VPS13A: variants seen among roughly 807,000 people sequenced by gnomAD.
The protein encoded by VPS13A is intermembrane lipid transfer protein VPS13A.
In VPS13A, 264 loss-of-function variants were observed where a neutral mutation model predicts 390.9. The observed-to-expected ratio is 0.68, with a 90% CI of 0.61 to 0.75. The LOEUF is 0.75. VPS13A is among the 30% of genes least tolerant of loss of function. VPS13A has a pLI of 0.00. For synonymous variants in VPS13A, 1,231 were observed against 1,227.1 expected (o/e 1.00, Z -0.07); for missense variants, 3,409 against 3,733.9 (o/e 0.91, Z 2.27).
rs368113095 is a variant in VPS13A, at chr9:77,316,178, T to C, written c.4635T>C (p.Pro1545=). ...VQTWTAKEEV[P]TQESVKWEIN... ...ATCTATTTTTATTTGTTTTAGTACC[T>C]ACACAGGAATCAGTGAAGTGGGAAA... The change falls in exon 39 of 72, where the codon CCT becomes CCC. Residue 1545 remains proline (P), a synonymous_variant. Transcript: ENST00000360280. 8.9e-5 allele frequency: 142 copies of C among 1,603,060 alleles called. No individual in the cohort carries two copies. Among genetic ancestry groups the C allele is most frequent in the Non-Finnish European group, 1.2e-4 (141 of 1,171,094 alleles).
intron 68 of VPS13A, among the ~76,000 whole-genome samples, chr9:77,384,274 ATTACAGTG>A (rs1366745945): frequency 1.3e-5 from 2 of 151,856 alleles, no homozygotes; most frequent in East Asian, 3.8e-4. Context: ...GTAGCACATT[ATTACAGTG>A]TTTCCTGCTG....
chr9:77,397,663 GT>G (rs1257048585), intron 68 of VPS13A, among the ~76,000 whole-genome samples: 4 of 152,046 alleles, frequency 2.6e-5, no homozygotes, highest in Admixed American at 6.6e-5. Flanking sequence ...CTTTCTTTGT[GT>G]TTCCAAATGT....
intron 71 of VPS13A, among the ~76,000 whole-genome samples, chr9:77,408,551 A>G (rs1834740423): frequency 6.6e-6 from 1 of 152,212 alleles, no homozygotes; most frequent in Non-Finnish European, 1.5e-5. Flanking sequence ...GTCAAAGAAA[A>G]GGGTGACAGA....
At chr9:77,410,397 A>G (rs562964525) in intron 71 of VPS13A, among the ~76,000 whole-genome samples, 4,361 of 152,274 alleles carry the variant, frequency 0.029, 154 homozygotes, top group African/African-American at 0.085. Flanking sequence ...CTAACGAGCA[A>G]AATAACCAGC....
chr9:77,367,682 G>A (rs1343742438), intron 61 of VPS13A, among the ~76,000 whole-genome samples: 1 of 152,192 alleles, frequency 6.6e-6, no homozygotes, highest in Non-Finnish European at 1.5e-5. Context: ...GGCCATTCGT[G>A]AGCAACCTCT....
intron 31 of VPS13A, among the ~76,000 whole-genome samples, chr9:77,284,814 G>C (rs973112039): frequency 6.6e-6 from 1 of 151,536 alleles, no homozygotes; most frequent in Admixed American, 6.6e-5. Flanking sequence ...AGTGATTCTC[G>C]TGCCTCAGCC....
chr9:77,297,615 C>T (rs1457257352), intron 33 of VPS13A, among the ~76,000 whole-genome samples: 2 of 151,030 alleles, frequency 1.3e-5, no homozygotes, highest in Admixed American at 6.7e-5. Context: ...GAGTGTTAAA[C>T]CATTCATGTT....
At chr9:77,382,617 CCAATTACACATGA>C in intron 68 of VPS13A, 1 of 1,032,876 alleles carries the variant, frequency 9.7e-7, no homozygotes, top group South Asian at 4.5e-5. Flanking sequence ...ATCCTTATAT[CCAATTACACATGA>C]AGAAGGAAAA....
intron 68 of VPS13A, among the ~76,000 whole-genome samples, chr9:77,386,545 G>T (rs1833691499): frequency 6.6e-6 from 1 of 151,544 alleles, no homozygotes; most frequent in Admixed American, 6.6e-5. Flanking sequence ...CCATTTTCAT[G>T]AAAAGAAAAT....
At chr9:77,408,511 G>A (rs1305468865) in intron 71 of VPS13A, among the ~76,000 whole-genome samples, 3 of 152,252 alleles carry the variant, frequency 2.0e-5, no homozygotes, top group African/African-American at 4.8e-5. Flanking sequence ...CACCCAGGAA[G>A]TGCAAGGGGT....
rs971227521 is a variant in VPS13A, at chr9:77,323,341, C to T, written c.5991+114C>T. Reference sequence around the variant, plus strand: ...AAGAATATAAACCGTAACAGTAATACAGCTGATATCAAAAAGAAGACTCAC... The same window carrying T: ...AAGAATATAAACCGTAACAGTAATATAGCTGATATCAAAAAGAAGACTCAC... On this transcript the variant is annotated intron_variant, in intron 45 of 71. Coordinates refer to ENST00000360280, the MANE Select transcript of VPS13A (RefSeq NM_033305.3). 144 of 1,263,956 alleles carry T rather than the reference C, an allele frequency of 1.1e-4. 1 individual carries two copies. The Admixed American group carries it at 2.7e-3, about 23-fold the overall frequency. 78.3% of individuals were successfully genotyped at this position (1,263,956 alleles called of 1,614,324 possible). A position where few individuals can be genotyped will look rare whatever the true frequency, so the allele number is the denominator to read the frequency against.
Position 77,244,853 on chromosome 9 carries a change from A to ATATTCAACATAATGTT in VPS13A, c.1901-2406_1901-2405insTATTCAACATAATGTT, listed in dbSNP as rs1824712967. Among the ~76,000 whole-genome samples, 19 of 152,296 alleles carry ATATTCAACATAATGTT rather than the reference A, an allele frequency of 1.2e-4. No individual in the cohort carries two copies. The South Asian group carries it at 3.9e-3, about 32-fold the overall frequency. On this transcript the variant is annotated intron_variant, in intron 19 of 71. Transcript: ENST00000360280. ...AATTTAGTCTTGGTGGTAGTGTCAG[A>ATATTCAACATAATGTT]GAAGATCTCTGAAAATTCAACATTA...
chr9:77,393,258 T>C (rs1169585046), intron 68 of VPS13A, among the ~76,000 whole-genome samples: 6 of 152,254 alleles, frequency 3.9e-5, no homozygotes, highest in African/African-American at 1.4e-4. Flanking sequence ...CAGTTACCTC[T>C]TCATGCTCCA....
intron 23 of VPS13A, among the ~76,000 whole-genome samples, chr9:77,260,863 G>T (rs1368907842): frequency 6.6e-6 from 1 of 151,732 alleles, no homozygotes; most frequent in Non-Finnish European, 1.5e-5. Flanking sequence ...GCATGTGTGT[G>T]TGTATGTAGT....
At chr9:77,312,651 G>A (rs1168074285) in intron 35 of VPS13A, among the ~76,000 whole-genome samples, 3 of 151,952 alleles carry the variant, frequency 2.0e-5, no homozygotes, top group African/African-American at 4.8e-5. Context: ...GCCTGACCTC[G>A]TGATCCGCCT....
At chr9:77,338,116 C>A (rs1830632533) in intron 47 of VPS13A, 1 of 152,426 alleles carries the variant, frequency 6.6e-6, no homozygotes, top group Non-Finnish European at 1.5e-5. Flanking sequence ...GCTGGGACTA[C>A]AGGTGCATGC....
chr9:77,293,197 G>C, intron 31 of VPS13A, 144 bp from the exon 32 acceptor site: 1 of 680,384 alleles, frequency 1.5e-6, no homozygotes, highest in Non-Finnish European at 2.4e-6. Flanking sequence ...AGTTACAGTA[G>C]AATTGTTGCC....
In VPS13A at chr9:77,416,123, T is replaced by C; in HGVS notation, c.*117T>C. The C allele has an allele frequency of 8.0e-7, 1 of 1,244,790 alleles. No homozygotes were observed. The highest frequency in any genetic ancestry group is 1.3e-5 in the South Asian group (1 of 75,586). 77.1% of individuals were successfully genotyped at this position (1,244,790 alleles called of 1,614,324 possible). A position where few individuals can be genotyped will look rare whatever the true frequency, so the allele number is the denominator to read the frequency against. ...GATTTCAAGTACCCTGTATTCTGGA[T>C]GCTAAAAAACAAAAACAAACAAAAA... On this transcript the variant is annotated 3_prime_UTR_variant, in exon 72 of 72. Coordinates refer to ENST00000360280, the MANE Select transcript of VPS13A (RefSeq NM_033305.3).
chr9:77,358,469 G>A, intron 57 of VPS13A, 31 bp downstream of exon 57: 3 of 1,542,660 alleles, frequency 1.9e-6, no homozygotes, highest in Non-Finnish European at 2.7e-6. Flanking sequence ...TTCCATAAAA[G>A]CAGTTGTATT....
Sources: allele counts gnomAD v4.1 joint callset (sites outside exome capture counted in the v4.1 genomes callset), GRCh38; gene constraint gnomAD v4.1.1; transcripts MANE v1.5; gene names NCBI Gene and HGNC (gene_info 2026-07-23, HGNC 2026-07-21).